The following DST variants were observed in gnomAD, a reference collection of about 807,000 sequenced individuals.
The protein encoded by DST is dystonin, also known as bullous pemphigoid antigen.
A neutral mutation model predicts 875.2 loss-of-function variants in DST; 253 were observed. That is an observed-to-expected ratio of 0.29 (90% CI 0.26 to 0.32). The LOEUF (loss-of-function observed/expected upper bound fraction) is 0.32, where lower values mean the gene tolerates loss of function less well. DST is among the 10% of genes least tolerant of loss of function. The pLI is 1.00. For synonymous variants in DST, 3,124 were observed against 3,197.1 expected (o/e 0.98, Z 0.77); for missense variants, 8,287 against 9,111.6 (o/e 0.91, Z 3.68).
intron 3 of DST, among the ~76,000 whole-genome samples, chr6:56,892,417 G>A (rs1220770557): frequency 6.6e-6 from 1 of 151,262 alleles, no homozygotes; most frequent in East Asian, 1.9e-4. Flanking sequence ...TGGAACTCCG[G>A]GCTCAAGTGA....
chr6:56,589,222 TA>T (rs1389831844), intron 49 of DST, among the ~76,000 whole-genome samples: 2 of 152,212 alleles, frequency 1.3e-5, no homozygotes, highest in Admixed American at 6.5e-5. Flanking sequence ...ACTACCAGCT[TA>T]AAACTTAGAA....
chr6:56,740,740 T>C (rs1197188074), intron 4 of DST, among the ~76,000 whole-genome samples: 2 of 152,170 alleles, frequency 1.3e-5, no homozygotes, highest in African/African-American at 4.8e-5. Flanking sequence ...ACAATGGAAG[T>C]TCTGTGCCAA....
chr6:56,651,928 G>C (rs2098978193), intron 10 of DST, among the ~76,000 whole-genome samples: 1 of 152,164 alleles, frequency 6.6e-6, no homozygotes, highest in African/African-American at 2.4e-5. Context: ...TATGTATTAA[G>C]AAAATTTTGT....
chr6:56,849,476 C>T (rs974428409), intron 4 of DST, among the ~76,000 whole-genome samples: 1 of 152,140 alleles, frequency 6.6e-6, no homozygotes, highest in East Asian at 1.9e-4. Context: ...CCCAGTGCAT[C>T]ACCTGCCACC....
At chr6:56,780,682 T>C (rs2099691568) in intron 4 of DST, among the ~76,000 whole-genome samples, 1 of 151,486 alleles carries the variant, frequency 6.6e-6, no homozygotes, top group Non-Finnish European at 1.5e-5. Flanking sequence ...AGGTTGCCTG[T>C]TCACTCTGAT....
At chr6:56,743,748 G>T (rs1244083086) in intron 4 of DST, among the ~76,000 whole-genome samples, 1 of 152,104 alleles carries the variant, frequency 6.6e-6, no homozygotes, top group East Asian at 1.9e-4. Flanking sequence ...ACTTGCCCAG[G>T]ATCACAAAGC....
At chr6:56,535,381 C>A in intron 62 of DST, 89 bp from the exon 63 acceptor site, 1 of 1,384,642 alleles carries the variant, frequency 7.2e-7, no homozygotes, top group South Asian at 1.5e-5. Flanking sequence ...TGCTTATTTT[C>A]CCGTGTGGTC....
intron 1 of DST, among the ~76,000 whole-genome samples, chr6:56,954,205 G>A (rs1026418710): frequency 1.3e-5 from 2 of 152,170 alleles, no homozygotes; most frequent in African/African-American, 4.8e-5. Flanking sequence ...CGGCATCGCC[G>A]TGGTTATTCA....
intron 4 of DST, among the ~76,000 whole-genome samples, chr6:56,781,971 T>C: frequency 6.6e-6 from 1 of 152,208 alleles, no homozygotes; most frequent in Admixed American, 6.5e-5. Flanking sequence ...TCTGCATCTA[T>C]TGAGATAATC....
At chr6:56,568,087 C>A (rs1450438569) in intron 55 of DST, among the ~76,000 whole-genome samples, 1 of 152,276 alleles carries the variant, frequency 6.6e-6, no homozygotes, top group East Asian at 1.9e-4. Context: ...TCTTTCCCAG[C>A]TGCCCAGACT....
intron 8 of DST, among the ~76,000 whole-genome samples, chr6:56,700,599 T>C (rs2099296273): frequency 6.6e-6 from 1 of 152,118 alleles, no homozygotes; most frequent in African/African-American, 2.4e-5. Flanking sequence ...TAAAATAATA[T>C]AATACTCAGA....
intron 36 of DST, chr6:56,624,277 T>C: frequency 1.6e-6 from 1 of 614,396 alleles, no homozygotes; most frequent in East Asian, 2.7e-5. Context: ...CCCCACCATA[T>C]TAGAGTCCTG....
chr6:56,618,250 C>T (rs2098648871), intron 36 of DST: 2 of 1,614,068 alleles, frequency 1.2e-6, no homozygotes, highest in East Asian at 2.2e-5. Context: ...GTTCAACAAC[C>T]CGATGCTGCC....
chr6:56,609,267 G>T lies in DST; in HGVS notation c.5361C>A (p.Gly1787=), dbSNP rs1366763884. 2.5e-6 allele frequency: 4 copies of T among 1,613,430 alleles called. No individual in the cohort carries two copies. The highest frequency in any genetic ancestry group is 2.5e-6 in the Non-Finnish European group (3 of 1,179,662). ...VLSVFQAVLR[G]LIDYDTGIRL... ...TAATTCCTGTGTCATAGTCAATGAG[G>T]CCTCTTAAAACTGCTTGAAAGACTG... Residue 1787 remains glycine (G), a synonymous_variant, in exon 40 of 104, where the codon GGC becomes GGA. Transcript: ENST00000680361.
chr6:56,820,190 T>A (rs188300274), intron 4 of DST, among the ~76,000 whole-genome samples: 32 of 152,336 alleles, frequency 2.1e-4, no homozygotes, highest in African/African-American at 7.5e-4. Flanking sequence ...CTATAGCAAC[T>A]GCAAAATAAG....
chr6:56,668,847 T>C (rs2099085277), intron 10 of DST, among the ~76,000 whole-genome samples: 1 of 151,688 alleles, frequency 6.6e-6, no homozygotes, highest in African/African-American at 2.4e-5. Flanking sequence ...ATTACAGTTT[T>C]TAGACATTGA....
At chr6:56,813,910 G>C (rs1272681404) in intron 4 of DST, among the ~76,000 whole-genome samples, 1 of 152,022 alleles carries the variant, frequency 6.6e-6, no homozygotes, top group Non-Finnish European at 1.5e-5. Context: ...TAATCATTAA[G>C]AACCTTGTAG....
At chr6:56,865,258 T>G (rs992545194) in intron 3 of DST, among the ~76,000 whole-genome samples, 1 of 137,106 alleles carries the variant, frequency 7.3e-6, no homozygotes, top group Non-Finnish European at 1.5e-5. Context: ...CTTCCCTAGT[T>G]TTCTGTGTGT....
chr6:56,603,799 T>C lies in DST; in HGVS notation c.10791+38A>G, dbSNP rs535903222. On this transcript the variant is annotated intron_variant, in intron 40 of 103. Transcript: ENST00000680361. ...TATGGGATTATTCTCACATGGTTCA[T>C]GCAGCTTTTTCTGTATAAAATGTAT... 1.1e-5 allele frequency: 17 copies of C among 1,588,698 alleles called. No individual in the cohort carries two copies. In the African/African-American group the frequency reaches 2.0e-4, roughly 19 times the overall value.
Sources: allele counts gnomAD v4.1 joint callset (sites outside exome capture counted in the v4.1 genomes callset), GRCh38; gene constraint gnomAD v4.1.1; transcripts MANE v1.5; gene names NCBI Gene and HGNC (gene_info 2026-07-23, HGNC 2026-07-21).